Variants in ACSM2B observed in about 807,000 individuals in gnomAD.
ACSM2B encodes acyl-CoA synthetase medium chain family member 2B.
A neutral mutation model predicts 78.6 loss-of-function variants in ACSM2B; 58 were observed. The observed-to-expected ratio is 0.74, with a 90% CI of 0.60 to 0.92. ACSM2B has a LOEUF of 0.92. Among genes scored for constraint, ACSM2B ranks in the 40% least tolerant of loss-of-function variants. The probability of loss-of-function intolerance (pLI) is 0.00; values close to 1 mark genes in which losing one functional copy is unlikely to be tolerated. For synonymous variants in ACSM2B, 257 were observed against 256.8 expected, an observed-to-expected ratio of 1.00 and a Z score of -0.01; for missense variants, 688 against 711.2, an observed-to-expected ratio of 0.97 and a Z score of 0.37.
At position 20,556,746 on chromosome 16, in the gene ACSM2B, C is replaced by T. The variant is rs112083985; in HGVS notation, c.389-1270G>A. On this transcript the variant is annotated intron_variant, in intron 3 of 13. Transcript: ENST00000329697. ...TCTCAACACTTTGGGATTCTCACTGCACACCTGTAAATATCCTCAAATGTT... is the reference window on the plus strand; with the variant it reads ...TCTCAACACTTTGGGATTCTCACTGTACACCTGTAAATATCCTCAAATGTT... Among the ~76,000 whole-genome samples the T allele has an allele frequency of 4.9e-3, 751 of 152,316 alleles. 11 individuals are homozygous for T. Among genetic ancestry groups the T allele is most frequent in the South Asian group, 0.033 (159 of 4,828 alleles).
At chr16:20,565,554 A>G (rs905777925) in intron 1 of ACSM2B, among the ~76,000 whole-genome samples, 3 of 152,152 alleles carry the variant, frequency 2.0e-5, no homozygotes, top group Non-Finnish European at 2.9e-5. Context: ...ATGTTAACTA[A>G]TACAAGTAGC....
In ACSM2B at chr16:20,548,463, C is replaced by T; in HGVS notation, c.905G>A (p.Ser302Asn). 6.2e-7 allele frequency: 1 copy of T among 1,613,600 alleles called. No individual in the cohort carries two copies. Among genetic ancestry groups the T allele is most frequent in the Non-Finnish European group, 8.5e-7 (1 of 1,179,690 alleles). The change falls in exon 7 of 14, where the codon AGT becomes AAT. Residue 302 changes from serine to asparagine, a missense_variant. Transcript: ENST00000329697. Reference sequence around the variant, plus strand: ...ACCCATCATACTCTTGATTGGATAACTGGAGAGTGTCTGGAAGACAAGAGC... The same window carrying T: ...ACCCATCATACTCTTGATTGGATAATTGGAGAGTGTCTGGAAGACAAGAGC... ...DPLVILKTLS[S>N]YPIKSMMGAP...
intron 10 of ACSM2B, chr16:20,544,609 C>T: frequency 2.0e-6 from 2 of 985,120 alleles, no homozygotes; most frequent in African/African-American, 3.5e-5. Flanking sequence ...CTTCTCTGTC[C>T]ACTTTCTAAT....
chr16:20,561,864 CT>C (rs2015666706), intron 2 of ACSM2B, among the ~76,000 whole-genome samples: 1 of 102,146 alleles, frequency 9.8e-6, no homozygotes, highest in Admixed American at 1.3e-4. Context: ...TCCCTCCCCC[CT>C]CCCCCCACCC....
rs535412990 is a variant in ACSM2B at position 20,542,907 on chromosome 16, C to T, written c.1509+7G>A. 160 of 1,613,734 alleles carry T rather than the reference C, an allele frequency of 9.9e-5. No homozygotes were observed. The South Asian group carries it at 1.7e-3, about 17-fold the overall frequency. ...TGTTCACCCCCAGGCTACTGCTTCC[C>T]CATCACCTCTCCTCGGACGGGGTCT... On this transcript the variant is annotated splice_region_variant and intron_variant, in intron 12 of 13. Transcript: ENST00000329697.
Position 20,545,259 on chromosome 16 carries a change from C to T in ACSM2B, c.1180-1G>A. The T allele has an allele frequency of 6.2e-7, 1 of 1,612,870 alleles. No homozygotes were observed. Among genetic ancestry groups the T allele is most frequent in the Non-Finnish European group, 8.5e-7 (1 of 1,179,204 alleles). Reference sequence around the variant, plus strand: ...GGACGTTGCCCTTATCATCTATAACCTGGAGAAAGAAGCATATTGGAAGAA... The same window carrying T: ...GGACGTTGCCCTTATCATCTATAACTTGGAGAAAGAAGCATATTGGAAGAA... On this transcript the variant is annotated splice_acceptor_variant, in intron 9 of 13. Coordinates refer to ENST00000329697, the MANE Select transcript of ACSM2B (RefSeq NM_001105069.2). LOFTEE classifies it high-confidence loss of function.
chr16:20,566,689 CTA>C (rs1567218300), intron 1 of ACSM2B, among the ~76,000 whole-genome samples: 5 of 4,210 alleles, frequency 1.2e-3, no homozygotes, highest in Non-Finnish European at 2.4e-3. Context: ...ATAGTATATA[CTA>C]TATATAGTAT....
intron 9 of ACSM2B, 91 bp from the exon 10 acceptor site, chr16:20,545,349 A>G: frequency 1.4e-6 from 2 of 1,465,204 alleles, no homozygotes; most frequent in Non-Finnish European, 1.9e-6. Flanking sequence ...CAAATGAAAG[A>G]CTCTCTTGCT....
rs145335487 is a variant in ACSM2B at position 20,556,524 on chromosome 16, C to T, written c.389-1048G>A. On this transcript the variant is annotated intron_variant, in intron 3 of 13. Coordinates refer to ENST00000329697, the MANE Select transcript of ACSM2B (RefSeq NM_001105069.2). ...GGCTGACGCAGGAGGATTGCTTGAA[C>T]CTGGGAGGCAAAGGTTGCAGTGAGC... Among the ~76,000 whole-genome samples, 5 of 152,294 alleles carry T rather than the reference C, an allele frequency of 3.3e-5. No individual in the cohort carries two copies. In the East Asian group the frequency reaches 7.7e-4, roughly 24 times the overall value.
intron 9 of ACSM2B, 100 bp downstream of exon 9, chr16:20,546,294 T>C (rs2015140051): frequency 6.7e-7 from 1 of 1,489,376 alleles, no homozygotes; most frequent in South Asian, 1.5e-5. Flanking sequence ...TTAATATCAG[T>C]ACTTTCTATT....
chr16:20,563,715 T>A (rs1401102614), intron 2 of ACSM2B, among the ~76,000 whole-genome samples: 5 of 151,900 alleles, frequency 3.3e-5, no homozygotes, highest in African/African-American at 1.2e-4. Flanking sequence ...GCATTTGCAA[T>A]CTCCACACTA....
chr16:20,543,382 G>A, intron 10 of ACSM2B, 120 bp from the exon 11 acceptor site: 1 of 1,550,220 alleles, frequency 6.5e-7, no homozygotes, highest in Non-Finnish European at 8.7e-7. Context: ...TGTATAACCT[G>A]AACATGGCAG....
At position 20,537,245 on chromosome 16, in the gene ACSM2B, T is replaced by C; in HGVS notation, c.*13A>G. 1 of 1,613,454 alleles carries C rather than the reference T, an allele frequency of 6.2e-7. No individual in the cohort carries two copies. The highest frequency in any genetic ancestry group is 8.5e-7 in the Non-Finnish European group (1 of 1,179,440). The stretch of plus-strand genomic sequence containing the variant: ...AAGAAGAGGGGAATCCAAATGAATG[T>C]CTCCTAGACGCCTCACTGCGCACGG... On this transcript the variant is annotated 3_prime_UTR_variant, in exon 14 of 14. Coordinates refer to ENST00000329697, the MANE Select transcript of ACSM2B (RefSeq NM_001105069.2).
chr16:20,547,182 A>G, intron 8 of ACSM2B: 3 of 1,001,044 alleles, frequency 3.0e-6, no homozygotes, highest in Non-Finnish European at 3.6e-6. Context: ...CCACCTCAGA[A>G]GAGAGGCTGC....
At chr16:20,549,022 G>C (rs185674716) in intron 6 of ACSM2B, among the ~76,000 whole-genome samples, 1 of 152,178 alleles carries the variant, frequency 6.6e-6, no homozygotes, top group South Asian at 2.1e-4. Flanking sequence ...GCCATGTCCT[G>C]TGTTACCTCA....
At position 20,574,871 on chromosome 16, in the gene ACSM2B, A is replaced by T. The variant is rs550299024; in HGVS notation, c.-9+1336T>A. On this transcript the variant is annotated intron_variant, in intron 1 of 13. Coordinates refer to ENST00000329697, the MANE Select transcript of ACSM2B (RefSeq NM_001105069.2). ...TCTGCTTCTGAAGCTGGGAGATAGA[A>T]TCCCCGAGTTCATCATTTTCTTTCA... Among the ~76,000 whole-genome samples the T allele has an allele frequency of 8.8e-4, 132 of 150,588 alleles. 1 individual carries two copies. The highest frequency in any genetic ancestry group is 1.9e-3 in the South Asian group (9 of 4,810).
intron 1 of ACSM2B, chr16:20,574,762 T>C (rs1420032656): frequency 1.3e-5 from 2 of 150,532 alleles, no homozygotes; most frequent in African/African-American, 5.0e-5. Flanking sequence ...AGAGCTTATG[T>C]CTATTTTTCC....
intron 12 of ACSM2B, among the ~76,000 whole-genome samples, chr16:20,541,494 GC>G (rs1205485482): frequency 7.2e-5 from 11 of 151,898 alleles, no homozygotes; most frequent in Non-Finnish European, 1.5e-4. Flanking sequence ...TGGCACAGGG[GC>G]TCTATCCTTT....
chr16:20,566,695 A>G (rs1567218368), intron 1 of ACSM2B, among the ~76,000 whole-genome samples: 7 of 4,046 alleles, frequency 1.7e-3, no homozygotes, highest in African/African-American at 4.1e-3. Context: ...TATACTATAT[A>G]TAGTATATAT....
Sources: gnomAD v4.1 joint callset for allele counts (sites outside exome capture counted in the v4.1 genomes callset) on GRCh38, gnomAD v4.1.1 for gene constraint, MANE v1.5 for transcripts, NCBI Gene and HGNC (gene_info 2026-07-23, HGNC 2026-07-21) for gene names.